The following FAM13B variants were observed in gnomAD, a reference collection of about 807,000 sequenced individuals.
FAM13B encodes the protein protein FAM13B.
Under a neutral mutation model 117.3 loss-of-function variants are expected in FAM13B, and 60 were observed. The ratio of observed to expected loss-of-function variants is 0.51; its 90% CI spans 0.42 to 0.63. The LOEUF is 0.63. Among genes scored for constraint, FAM13B ranks in the 30% least tolerant of loss-of-function variants. The probability of loss-of-function intolerance (pLI) is 0.00; values close to 1 mark genes in which losing one functional copy is unlikely to be tolerated. For missense variants in FAM13B, 972 were observed against 1,091.9 expected (o/e 0.89, Z 1.55); for synonymous variants, 332 against 356.1 (o/e 0.93, Z 0.76).
chr5:138,051,703 G>A (rs2151135025), intron 1 of FAM13B, among the ~76,000 whole-genome samples: 1 of 152,262 alleles, frequency 6.6e-6, no homozygotes, highest in Non-Finnish European at 1.5e-5. Flanking sequence ...GTATTTTTAA[G>A]TAAATTATTT....
intron 10 of FAM13B, among the ~76,000 whole-genome samples, chr5:137,977,523 TTC>T (rs1472530909): frequency 6.6e-6 from 1 of 152,124 alleles, no homozygotes; most frequent in African/African-American, 2.4e-5. Flanking sequence ...GCTTTAAAAT[TTC>T]TCTCTTTTGT....
chr5:137,963,281 C>A (rs1581104195), intron 10 of FAM13B, among the ~76,000 whole-genome samples: 1 of 152,176 alleles, frequency 6.6e-6, no homozygotes. Flanking sequence ...GACTTAAATG[C>A]AGAAGCATAT....
At chr5:137,943,291 G>T in intron 20 of FAM13B, 75 bp from the exon 21 acceptor site, 2 of 1,127,770 alleles carry the variant, frequency 1.8e-6, no homozygotes, top group East Asian at 2.4e-5. Flanking sequence ...CCTTCATTAT[G>T]TTACGAATCT....
intron 7 of FAM13B, among the ~76,000 whole-genome samples, chr5:137,999,416 A>G (rs1412396550): frequency 1.3e-5 from 2 of 152,010 alleles, no homozygotes; most frequent in African/African-American, 2.4e-5. Context: ...TCTCTACTAA[A>G]AATACAAAAA....
At chr5:138,042,998 A>G (rs939402331) in intron 1 of FAM13B, among the ~76,000 whole-genome samples, 1 of 152,254 alleles carries the variant, frequency 6.6e-6, no homozygotes, top group Middle Eastern at 3.4e-3. Flanking sequence ...AGGCTGAGGC[A>G]GAAGAATCAC....
intron 1 of FAM13B, among the ~76,000 whole-genome samples, chr5:138,043,693 C>T (rs1791564143): frequency 6.6e-6 from 1 of 152,058 alleles, no homozygotes; most frequent in Non-Finnish European, 1.5e-5. Flanking sequence ...CTGCCTCGGC[C>T]TCCCAAAGTG....
At chr5:137,987,698 AC>A in intron 8 of FAM13B, 82 bp from the exon 9 acceptor site, 1 of 1,325,632 alleles carries the variant, frequency 7.5e-7, no homozygotes, top group Non-Finnish European at 1.0e-6. Context: ...AAAACCTATG[AC>A]CAGTAAAACT....
intron 10 of FAM13B, among the ~76,000 whole-genome samples, chr5:137,982,419 T>C (rs1264121773): frequency 6.6e-6 from 1 of 152,124 alleles, no homozygotes; most frequent in African/African-American, 2.4e-5. Flanking sequence ...CCGGGCATGG[T>C]GGCAGGCACC....
At chr5:137,994,899 A>T (rs1354635112) in intron 7 of FAM13B, among the ~76,000 whole-genome samples, 1 of 152,210 alleles carries the variant, frequency 6.6e-6, no homozygotes, top group East Asian at 1.9e-4. Flanking sequence ...ATCCAAATAA[A>T]ATAAGAAACT....
intron 1 of FAM13B, among the ~76,000 whole-genome samples, chr5:138,024,828 G>C (rs1318089515): frequency 3.5e-4 from 52 of 149,310 alleles, no homozygotes; most frequent in African/African-American, 1.2e-3. Context: ...GAGAGAGAGA[G>C]AGAGAGAAAG....
chr5:137,962,508 C>G, intron 10 of FAM13B, 39 bp from the exon 11 acceptor site: 1 of 1,569,060 alleles, frequency 6.4e-7, no homozygotes, highest in Non-Finnish European at 8.7e-7. Flanking sequence ...ATGGAGCTCC[C>G]AATACTCAGA....
intron 1 of FAM13B, chr5:138,051,788 A>G (rs1791807785): frequency 1.3e-5 from 2 of 152,150 alleles, no homozygotes; most frequent in South Asian, 4.1e-4. Flanking sequence ...GGTCTATTTT[A>G]CTCTAAAACC....
In FAM13B at chr5:137,939,753, T is replaced by C. The variant is rs1323227195; in HGVS notation, c.*472A>G. On this transcript the variant is annotated 3_prime_UTR_variant, in exon 24 of 24. Coordinates refer to ENST00000689681, the MANE Select transcript of FAM13B (RefSeq NM_001385994.1). Reference sequence around the variant, plus strand: ...TTTTCTAGGAAAACAGAGAACACAGTTGCGTATGTGCACTTTTATAGGCTT... The same window carrying C: ...TTTTCTAGGAAAACAGAGAACACAGCTGCGTATGTGCACTTTTATAGGCTT... The C allele has an allele frequency of 1.5e-6, 1 of 655,134 alleles. No homozygotes were observed. The highest frequency in any genetic ancestry group is 2.0e-6 in the Non-Finnish European group (1 of 501,868). The allele number at this position is 655,134 out of a possible 1,614,324, so 40.6% of individuals were successfully genotyped here.
chr5:137,988,207 T>C (rs1777710707), intron 8 of FAM13B, 67 bp downstream of exon 8: 1 of 1,230,644 alleles, frequency 8.1e-7, no homozygotes. Context: ...GTACATTATT[T>C]TCATTTCTAC....
intron 7 of FAM13B, among the ~76,000 whole-genome samples, chr5:137,990,020 G>C (rs1778218733): frequency 6.6e-6 from 1 of 152,050 alleles, no homozygotes; most frequent in African/African-American, 2.4e-5. Flanking sequence ...AAAGTAAAAA[G>C]ATAAATGAGG....
rs566019680 is a variant in FAM13B at position 137,999,515 on chromosome 5, G to A, written c.848+7475C>T. On this transcript the variant is annotated intron_variant, in intron 7 of 23. Coordinates refer to ENST00000689681, the MANE Select transcript of FAM13B (RefSeq NM_001385994.1). ...CGCTTGAACCCAGGAGGCGGAGGCT[G>A]CAGTGAGCCGAGATCACACCACTGC... 4.6e-5 allele frequency among the ~76,000 whole-genome samples: 7 copies of A among 152,068 alleles called. No individual in the cohort carries two copies. In the South Asian group the frequency reaches 1.2e-3, roughly 27 times the overall value.
intron 3 of FAM13B, 28 bp downstream of exon 3, chr5:138,018,927 C>T (rs1277900192): frequency 1.3e-6 from 2 of 1,554,764 alleles, no homozygotes; most frequent in Middle Eastern, 1.7e-4. Context: ...AAAACAAAAG[C>T]TAGCCCTCAA....
intron 10 of FAM13B, among the ~76,000 whole-genome samples, chr5:137,976,053 G>A (rs111862789): frequency 2.9e-5 from 4 of 139,956 alleles, no homozygotes; most frequent in South Asian, 2.2e-4. Flanking sequence ...TCCGCCTCCC[G>A]GGTTCATGCC....
At chr5:138,018,131 C>T (rs563644085) in intron 4 of FAM13B, among the ~76,000 whole-genome samples, 171 bp downstream of exon 4, 79 of 152,220 alleles carry the variant, frequency 5.2e-4, no homozygotes, top group Admixed American at 8.5e-4. Flanking sequence ...AGAGGGATCC[C>T]GGAAGTTGCC....
Sources: allele counts gnomAD v4.1 joint callset (sites outside exome capture counted in the v4.1 genomes callset), GRCh38; gene constraint gnomAD v4.1.1; transcripts MANE v1.5; gene names NCBI Gene and HGNC (gene_info 2026-07-23, HGNC 2026-07-21).